The following RGS7BP variants were observed in gnomAD, a reference collection of about 807,000 sequenced individuals.
RGS7BP encodes regulator of G protein signaling 7 binding protein.
In RGS7BP, 9 loss-of-function variants were observed where a neutral mutation model predicts 31.3. That is an observed-to-expected ratio of 0.29 (90% CI 0.17 to 0.50). The LOEUF is 0.50. Among genes scored for constraint, RGS7BP ranks in the 20% least tolerant of loss-of-function variants. The pLI is 0.98. For synonymous variants in RGS7BP, 115 were observed against 120.1 expected, an observed-to-expected ratio of 0.96 and a Z score of 0.28; for missense variants, 274 against 322.0, an observed-to-expected ratio of 0.85 and a Z score of 1.14.
At chr5:64,558,413 G>T (rs950920761) in intron 2 of RGS7BP, among the ~76,000 whole-genome samples, 9 of 151,990 alleles carry the variant, frequency 5.9e-5, no homozygotes, top group African/African-American at 1.9e-4. Flanking sequence ...AAATTATAAA[G>T]ATTTCATTGA....
chr5:64,524,292 G>A (rs906754), intron 2 of RGS7BP, among the ~76,000 whole-genome samples: 39,158 of 152,036 alleles, frequency 0.26, 5,843 homozygotes, highest in East Asian at 0.73. Context: ...CCTATTCTAA[G>A]ACTCAAGATT....
At chr5:64,606,652 C>G (rs879319632) in intron 5 of RGS7BP, among the ~76,000 whole-genome samples, 8 of 151,974 alleles carry the variant, frequency 5.3e-5, no homozygotes, top group African/African-American at 1.4e-4. Flanking sequence ...GTACATTGAT[C>G]AATTCATGGT....
intron 2 of RGS7BP, among the ~76,000 whole-genome samples, chr5:64,511,903 G>T (rs991065857): frequency 2.0e-5 from 3 of 152,200 alleles, no homozygotes; most frequent in Admixed American, 1.3e-4. Flanking sequence ...GGTATGTGAA[G>T]CAGGGACCAC....
At chr5:64,515,924 T>C (rs1335938462) in intron 2 of RGS7BP, among the ~76,000 whole-genome samples, 5 of 151,984 alleles carry the variant, frequency 3.3e-5, no homozygotes, top group Non-Finnish European at 7.4e-5. Flanking sequence ...ATCAGCCTCC[T>C]GAGTAGCTGG....
intron 2 of RGS7BP, among the ~76,000 whole-genome samples, chr5:64,541,173 G>A (rs978508643): frequency 6.6e-5 from 10 of 152,158 alleles, no homozygotes; most frequent in Admixed American, 6.5e-4. Context: ...GAAGGCAAAG[G>A]AGAGCCAGCA....
intron 2 of RGS7BP, 115 bp from the exon 3 acceptor site, chr5:64,575,659 G>A (rs1361863151): frequency 2.1e-6 from 3 of 1,427,054 alleles, no homozygotes; most frequent in African/African-American, 1.4e-5. Context: ...TATATTTTAG[G>A]ATCAAGGCTT....
At chr5:64,589,189 G>T (rs1164258794) in intron 3 of RGS7BP, among the ~76,000 whole-genome samples, 4 of 151,908 alleles carry the variant, frequency 2.6e-5, no homozygotes, top group African/African-American at 9.7e-5. Context: ...CCAGCTACTC[G>T]GGTAGGTGAG....
intron 2 of RGS7BP, among the ~76,000 whole-genome samples, chr5:64,550,737 AACC>A (rs1741774540): frequency 1.6e-4 from 7 of 43,592 alleles, no homozygotes; most frequent in Admixed American, 8.5e-4. Flanking sequence ...CCCCTCCCCC[AACC>A]CTGCAACAGT....
rs561224843 is a variant in RGS7BP, at chr5:64,517,520, C to A, written c.332+9643C>A. On this transcript the variant is annotated intron_variant, in intron 2 of 5. Transcript: ENST00000334025. ...TCCTTAAGTGTGTGTAACAGAGTGACCCTATCCTATTCATCTACATATATG... is the reference window on the plus strand; with the variant it reads ...TCCTTAAGTGTGTGTAACAGAGTGAACCTATCCTATTCATCTACATATATG... Among the ~76,000 whole-genome samples, 5 of 152,268 alleles carry A rather than the reference C, an allele frequency of 3.3e-5. No homozygotes were observed. In the South Asian group the frequency reaches 8.3e-4, roughly 25 times the overall value.
At chr5:64,596,555 A>G (rs1253800628) in intron 4 of RGS7BP, among the ~76,000 whole-genome samples, 1 of 151,966 alleles carries the variant, frequency 6.6e-6, no homozygotes, top group Non-Finnish European at 1.5e-5. Context: ...CACCCATTCC[A>G]TCTGTCCTTG....
intron 2 of RGS7BP, among the ~76,000 whole-genome samples, chr5:64,556,111 C>T (rs1003763026): frequency 2.0e-5 from 3 of 152,112 alleles, no homozygotes; most frequent in Non-Finnish European, 4.4e-5. Context: ...TATCAATTTA[C>T]TCTTCCATCA....
chr5:64,529,494 G>T (rs924744210), intron 2 of RGS7BP, among the ~76,000 whole-genome samples: 28 of 152,152 alleles, frequency 1.8e-4, no homozygotes, highest in African/African-American at 6.3e-4. Flanking sequence ...AAATAAAAAG[G>T]TTATGAGAAC....
intron 4 of RGS7BP, among the ~76,000 whole-genome samples, chr5:64,596,021 T>C (rs972463210): frequency 8.5e-5 from 13 of 152,310 alleles, no homozygotes; most frequent in African/African-American, 3.1e-4. Context: ...TTTATCTTAA[T>C]TTATAAAGTA....
chr5:64,527,331 T>G (rs1749255136), intron 2 of RGS7BP, among the ~76,000 whole-genome samples: 1 of 152,126 alleles, frequency 6.6e-6, no homozygotes, highest in Non-Finnish European at 1.5e-5. Flanking sequence ...CCAGATCAAT[T>G]AATTCAGAAT....
chr5:64,603,045 T>C (rs1743261219), intron 5 of RGS7BP, among the ~76,000 whole-genome samples: 1 of 152,052 alleles, frequency 6.6e-6, no homozygotes, highest in South Asian at 2.1e-4. Context: ...ACAAAAGGCT[T>C]AAGAGAGAGA....
At chr5:64,565,601 C>A (rs1024726905) in intron 2 of RGS7BP, among the ~76,000 whole-genome samples, 1 of 152,052 alleles carries the variant, frequency 6.6e-6, no homozygotes, top group Non-Finnish European at 1.5e-5. Context: ...GAACCAGCAC[C>A]GTAACCCCAG....
chr5:64,509,533 G>A (rs977095846), intron 2 of RGS7BP, among the ~76,000 whole-genome samples: 1 of 152,146 alleles, frequency 6.6e-6, no homozygotes, highest in African/African-American at 2.4e-5. Context: ...ACTAAAAGTT[G>A]AGTTTGGAGG....
intron 3 of RGS7BP, among the ~76,000 whole-genome samples, chr5:64,578,577 C>A (rs936724585): frequency 6.6e-6 from 1 of 152,158 alleles, no homozygotes; most frequent in Non-Finnish European, 1.5e-5. Flanking sequence ...GTAAATCACA[C>A]CCCACCCTCC....
chr5:64,532,715 A>C (rs1749403142), intron 2 of RGS7BP, among the ~76,000 whole-genome samples: 1 of 152,152 alleles, frequency 6.6e-6, no homozygotes, highest in Non-Finnish European at 1.5e-5. Flanking sequence ...TTAGTACCCA[A>C]GTAAAATGAC....
Sources: gnomAD v4.1 joint callset for allele counts (sites outside exome capture counted in the v4.1 genomes callset) on GRCh38, gnomAD v4.1.1 for gene constraint, MANE v1.5 for transcripts, NCBI Gene and HGNC (gene_info 2026-07-23, HGNC 2026-07-21) for gene names.